FSIP1: variants seen among roughly 807,000 people sequenced by gnomAD.
FSIP1 encodes the protein fibrous sheath-interacting protein 1.
FSIP1 carries 65 observed loss-of-function variants against 60.9 expected under a neutral mutation model. The ratio of observed to expected loss-of-function variants is 1.07; its 90% confidence interval spans 0.87 to 1.31. FSIP1 has a LOEUF of 1.31. FSIP1 is among the 40% of genes most tolerant of loss of function. The pLI, the probability that FSIP1 is intolerant of heterozygous loss-of-function variation, is 0.00. For missense variants in FSIP1, 675 were observed against 665.5 expected, an observed-to-expected ratio of 1.01 and a Z score of -0.16; for synonymous variants, 209 against 221.2, an observed-to-expected ratio of 0.94 and a Z score of 0.49.
chr15:39,702,230 G>C (rs888701380), intron 10 of FSIP1, among the ~76,000 whole-genome samples: 6 of 150,750 alleles, frequency 4.0e-5, no homozygotes, highest in African/African-American at 1.5e-4. Context: ...CCTTTACCCT[G>C]TCTTGGGCTC....
intron 1 of FSIP1, among the ~76,000 whole-genome samples, chr15:39,778,898 A>G (rs1898153428): frequency 6.6e-6 from 1 of 152,180 alleles, no homozygotes; most frequent in African/African-American, 2.4e-5. Flanking sequence ...ATAAAGATAA[A>G]TTTATAAACA....
chr15:39,693,869 C>A (rs750672347), intron 10 of FSIP1, among the ~76,000 whole-genome samples: 1 of 152,000 alleles, frequency 6.6e-6, no homozygotes, highest in African/African-American at 2.4e-5. Context: ...ATGCCACCTG[C>A]CTCTAAGGTT....
chr15:39,763,006 C>T (rs1336625809), intron 5 of FSIP1, among the ~76,000 whole-genome samples: 1 of 152,130 alleles, frequency 6.6e-6, no homozygotes, highest in Non-Finnish European at 1.5e-5. Context: ...AAAATATATA[C>T]ATGGATATTT....
chr15:39,621,125 T>C (rs1249087971), intron 10 of FSIP1, among the ~76,000 whole-genome samples: 1 of 152,030 alleles, frequency 6.6e-6, no homozygotes, highest in Non-Finnish European at 1.5e-5. Flanking sequence ...TCTTTTATTT[T>C]AGAATGTGAA....
At chr15:39,722,074 C>T (rs1234239499) in intron 9 of FSIP1, among the ~76,000 whole-genome samples, 2 of 152,148 alleles carry the variant, frequency 1.3e-5, no homozygotes, top group African/African-American at 4.8e-5. Flanking sequence ...TTTGCAGCTG[C>T]TCCCCATCAC....
At chr15:39,770,213 ATT>A (rs150515935) in intron 3 of FSIP1, among the ~76,000 whole-genome samples, 22 of 152,284 alleles carry the variant, frequency 1.4e-4, no homozygotes, top group African/African-American at 4.8e-4. Flanking sequence ...TAAATGACAT[ATT>A]TTGTTATATT....
chr15:39,704,824 G>A (rs954583933), intron 10 of FSIP1, among the ~76,000 whole-genome samples: 4 of 152,164 alleles, frequency 2.6e-5, no homozygotes, highest in Non-Finnish European at 5.9e-5. Flanking sequence ...GTCGAAATAA[G>A]AATCAAAATG....
Position 39,711,212 on chromosome 15 carries a change from G to A in FSIP1, c.1188+2232C>T, listed in dbSNP as rs758509351. On this transcript the variant is annotated intron_variant, in intron 10 of 11. Transcript: ENST00000350221. ...TCTAGAAGCTGGGAAGTCCAAGATC[G>A]AAGAGCTGGCAGGTTTGGTGCCTAG... Among the ~76,000 whole-genome samples, 16 of 152,172 alleles carry A rather than the reference G, an allele frequency of 1.1e-4. 1 individual carries two copies. Among genetic ancestry groups the A allele is most frequent in the African/African-American group, 7.2e-5 (3 of 41,436 alleles).
At chr15:39,750,678 A>C (rs984866537) in intron 5 of FSIP1, among the ~76,000 whole-genome samples, 3 of 152,038 alleles carry the variant, frequency 2.0e-5, no homozygotes, top group African/African-American at 7.2e-5. Context: ...TGAAACTACA[A>C]AACTCCTAGA....
chr15:39,642,301 CCT>C (rs547016227), intron 10 of FSIP1, among the ~76,000 whole-genome samples: 46 of 152,286 alleles, frequency 3.0e-4, no homozygotes, highest in Middle Eastern at 3.4e-3. Flanking sequence ...CTCTCCCACC[CCT>C]GTTTTTTATT....
intron 3 of FSIP1, among the ~76,000 whole-genome samples, chr15:39,767,593 T>C (rs1897735815): frequency 6.6e-6 from 1 of 152,330 alleles, no homozygotes; most frequent in South Asian, 2.1e-4. Flanking sequence ...GCCCCCATCC[T>C]GTGCCCATAT....
chr15:39,672,287 A>AG (rs761975155), intron 10 of FSIP1, among the ~76,000 whole-genome samples: 1 of 152,242 alleles, frequency 6.6e-6, no homozygotes, highest in Non-Finnish European at 1.5e-5. Flanking sequence ...CGGCTGCCTT[A>AG]GCAGTGCTCC....
intron 10 of FSIP1, among the ~76,000 whole-genome samples, chr15:39,622,721 C>T (rs1595541249): frequency 6.6e-6 from 1 of 152,214 alleles, no homozygotes; most frequent in Non-Finnish European, 1.5e-5. Context: ...GCTTCTAAAC[C>T]GTGGACTTGA....
At chr15:39,625,639 C>T (rs1292049975) in intron 10 of FSIP1, among the ~76,000 whole-genome samples, 1 of 152,138 alleles carries the variant, frequency 6.6e-6, no homozygotes, top group African/African-American at 2.4e-5. Flanking sequence ...CCGGAATGGC[C>T]CTGTTATCAC....
intron 8 of FSIP1, among the ~76,000 whole-genome samples, chr15:39,731,516 A>C (rs1896402694): frequency 6.6e-6 from 1 of 152,228 alleles, no homozygotes; most frequent in Non-Finnish European, 1.5e-5. Context: ...TTCATATGAC[A>C]CTGAAGTTAA....
intron 2 of FSIP1, among the ~76,000 whole-genome samples, chr15:39,771,198 G>T (rs554541988): frequency 1.3e-5 from 2 of 152,166 alleles, no homozygotes; most frequent in African/African-American, 2.4e-5. Flanking sequence ...CTCCATGGCC[G>T]GGTGAGGGAA....
intron 1 of FSIP1, among the ~76,000 whole-genome samples, chr15:39,780,262 G>T (rs533167590): frequency 1.3e-5 from 2 of 152,288 alleles, no homozygotes; most frequent in African/African-American, 4.8e-5. Context: ...GGTGGCTCAC[G>T]CCTGTAATCC....
chr15:39,622,403 A>G (rs1382695434), intron 10 of FSIP1, among the ~76,000 whole-genome samples: 1 of 152,210 alleles, frequency 6.6e-6, no homozygotes, highest in African/African-American at 2.4e-5. Flanking sequence ...CGTTTCAGCC[A>G]ATACACACAC....
intron 11 of FSIP1, among the ~76,000 whole-genome samples, chr15:39,609,545 G>C (rs1408917316): frequency 1.3e-5 from 2 of 152,200 alleles, no homozygotes; most frequent in African/African-American, 4.8e-5. Flanking sequence ...GCAGCTGCAT[G>C]GTGACCCCAC....
Sources: allele counts gnomAD v4.1 joint callset (sites outside exome capture counted in the v4.1 genomes callset), GRCh38; gene constraint gnomAD v4.1.1; transcripts MANE v1.5; gene names NCBI Gene and HGNC (gene_info 2026-07-23, HGNC 2026-07-21).